PAPPA2: variants seen among roughly 807,000 people sequenced by gnomAD.
PAPPA2 encodes the protein pappalysin 2, also known as pappalysin-2.
A neutral mutation model predicts 176.4 loss-of-function variants in PAPPA2; 86 were observed. The observed-to-expected ratio is 0.49, with a 90% CI of 0.41 to 0.58. PAPPA2 has a LOEUF of 0.58. Among genes scored for constraint, PAPPA2 ranks in the 20% least tolerant of loss-of-function variants. The pLI, the probability that PAPPA2 is intolerant of heterozygous loss-of-function variation, is 0.00. For missense variants in PAPPA2, 2,073 were observed against 2,256.9 expected (o/e 0.92, Z 1.65); for synonymous variants, 809 against 852.2 (o/e 0.95, Z 0.88).
intron 2 of PAPPA2, among the ~76,000 whole-genome samples, 155 bp from the exon 3 acceptor site, chr1:176,594,369 T>C (rs1653827222): frequency 1.3e-5 from 2 of 152,248 alleles, no homozygotes; most frequent in Admixed American, 1.3e-4. Flanking sequence ...TATAGGGATA[T>C]GAGCAGGCAT....
intron 14 of PAPPA2, among the ~76,000 whole-genome samples, chr1:176,763,705 G>C (rs1663801964): frequency 6.6e-6 from 1 of 152,164 alleles, no homozygotes; most frequent in Non-Finnish European, 1.5e-5. Flanking sequence ...GGATAAATAA[G>C]TTAATTCACT....
intron 1 of PAPPA2, among the ~76,000 whole-genome samples, chr1:176,547,537 G>A (rs1433701799): frequency 6.6e-6 from 1 of 152,168 alleles, no homozygotes; most frequent in Non-Finnish European, 1.5e-5. Context: ...AAAACAGGTA[G>A]CAATGACCTG....
At chr1:176,591,703 C>T (rs1653680088) in intron 2 of PAPPA2, among the ~76,000 whole-genome samples, 1 of 152,168 alleles carries the variant, frequency 6.6e-6, no homozygotes, top group African/African-American at 2.4e-5. Flanking sequence ...TTATTCATAA[C>T]AGGTCCTCGT....
chr1:176,768,534 T>C (rs550769550), intron 15 of PAPPA2, among the ~76,000 whole-genome samples: 2 of 152,346 alleles, frequency 1.3e-5, no homozygotes, highest in East Asian at 3.9e-4. Flanking sequence ...AACCAAAATG[T>C]AGCTCTAACA....
chr1:176,525,443 A>G (rs1442657745), intron 1 of PAPPA2, among the ~76,000 whole-genome samples: 4 of 152,216 alleles, frequency 2.6e-5, no homozygotes, highest in Non-Finnish European at 5.9e-5. Flanking sequence ...AAGAAGTTAA[A>G]CAGGAATGTC....
At chr1:176,816,041 A>G (rs1050891543) in intron 21 of PAPPA2, among the ~76,000 whole-genome samples, 1 of 150,694 alleles carries the variant, frequency 6.6e-6, no homozygotes, top group Non-Finnish European at 1.5e-5. Context: ...CTTTGTAGCT[A>G]TCTTATTTAG....
At chr1:176,514,429 G>T (rs1372687408) in intron 1 of PAPPA2, among the ~76,000 whole-genome samples, 1 of 152,074 alleles carries the variant, frequency 6.6e-6, no homozygotes, top group Admixed American at 6.6e-5. Context: ...TCCAACACTG[G>T]GGATCAAATT....
At chr1:176,651,154 A>T (rs1657697384) in intron 3 of PAPPA2, among the ~76,000 whole-genome samples, 1 of 151,626 alleles carries the variant, frequency 6.6e-6, no homozygotes, top group South Asian at 2.1e-4. Flanking sequence ...TAGTGTTATG[A>T]ATTGATTGCA....
rs1660350821 is a variant in PAPPA2 at position 176,695,814 on chromosome 1, C to A, written c.2701C>A (p.Arg901=). 1 of 1,614,026 alleles carries A rather than the reference C, an allele frequency of 6.2e-7. No individual in the cohort carries two copies. Among genetic ancestry groups the A allele is most frequent in the Non-Finnish European group, 8.5e-7 (1 of 1,179,986 alleles). The change falls in exon 7 of 23, where the codon CGG becomes AGG. Residue 901 remains arginine (R), a synonymous_variant. Transcript: ENST00000367662. The part of the protein sequence containing the change: ...RQYVHTASSR[R]VCDSSGYWTP... ...GTATGTGCACACAGCTTCCTCCCGG[C>A]GGGTGTGTGACTCCTCAGGTTATTG...
At chr1:176,606,021 T>G (rs1447103115) in intron 3 of PAPPA2, among the ~76,000 whole-genome samples, 2 of 152,054 alleles carry the variant, frequency 1.3e-5, no homozygotes, top group African/African-American at 4.8e-5. Flanking sequence ...TGCTAGGCTA[T>G]CCAAGTGAAG....
At chr1:176,744,197 C>T (rs1662805740) in intron 14 of PAPPA2, among the ~76,000 whole-genome samples, 1 of 152,162 alleles carries the variant, frequency 6.6e-6, no homozygotes, top group Non-Finnish European at 1.5e-5. Context: ...TCTTGCCAAT[C>T]CTTTTACCCC....
At chr1:176,606,944 A>G (rs1229189004) in intron 3 of PAPPA2, among the ~76,000 whole-genome samples, 2 of 152,246 alleles carry the variant, frequency 1.3e-5, no homozygotes, top group Non-Finnish European at 2.9e-5. Context: ...TATACTGGAC[A>G]ATAGTCTTAG....
In PAPPA2 at chr1:176,618,374, A is replaced by G. The variant is rs559310577; in HGVS notation, c.1991+22779A>G. ...TCAGAGATGGGCCACCATTGACCCA[A>G]TGCTTCTTAGTTACCATACCAAAAT... On this transcript the variant is annotated intron_variant, in intron 3 of 22. Transcript: ENST00000367662. Among the ~76,000 whole-genome samples the G allele has an allele frequency of 9.8e-5, 15 of 152,312 alleles. No individual in the cohort carries two copies. The South Asian group carries it at 2.9e-3, about 29-fold the overall frequency.
intron 17 of PAPPA2, among the ~76,000 whole-genome samples, chr1:176,784,649 C>T (rs1337930053): frequency 3.3e-5 from 5 of 150,190 alleles, no homozygotes; most frequent in African/African-American, 1.2e-4. Context: ...TGCAGTGGTG[C>T]GATTTCAGCT....
chr1:176,707,637 G>C (rs1190656818), intron 10 of PAPPA2, among the ~76,000 whole-genome samples: 1 of 152,052 alleles, frequency 6.6e-6, no homozygotes, highest in African/African-American at 2.4e-5. Flanking sequence ...CTTATCTGTT[G>C]TAAAATTTTT....
intron 3 of PAPPA2, among the ~76,000 whole-genome samples, chr1:176,610,003 C>T (rs1421376638): frequency 6.6e-6 from 1 of 151,984 alleles, no homozygotes. Flanking sequence ...AGGATCATAC[C>T]TTATATAGTA....
At chr1:176,840,097 G>A (rs1667428103) in intron 21 of PAPPA2, 76 bp from the exon 22 acceptor site, 3 of 1,166,692 alleles carry the variant, frequency 2.6e-6, no homozygotes, top group African/African-American at 3.0e-5. Context: ...GGATTACGCT[G>A]GGATGGGAGG....
intron 3 of PAPPA2, among the ~76,000 whole-genome samples, chr1:176,634,914 CAGATAG>C: frequency 6.7e-6 from 1 of 149,114 alleles, no homozygotes; most frequent in South Asian, 2.1e-4. Context: ...AGATACATGA[CAGATAG>C]ATGATGATGA....
intron 4 of PAPPA2, among the ~76,000 whole-genome samples, chr1:176,677,951 A>T (rs983682030): frequency 6.6e-6 from 1 of 152,330 alleles, no homozygotes; most frequent in African/African-American, 2.4e-5. Context: ...ATGTGATGGC[A>T]ACATACATGA....
Sources: allele counts gnomAD v4.1 joint callset (sites outside exome capture counted in the v4.1 genomes callset), GRCh38; gene constraint gnomAD v4.1.1; transcripts MANE v1.5; gene names NCBI Gene and HGNC (gene_info 2026-07-23, HGNC 2026-07-21).